SCARB1: variants seen among roughly 807,000 people sequenced by gnomAD.
SCARB1 encodes scavenger receptor class B member 1, also known as CD36 and LIMPII analogous 1.
A neutral mutation model predicts 57.2 loss-of-function variants in SCARB1; 30 were observed. That is an observed-to-expected ratio of 0.52 (90% CI 0.39 to 0.71). SCARB1 has a LOEUF of 0.71. Among genes scored for constraint, SCARB1 ranks in the 30% least tolerant of loss-of-function variants. SCARB1 has a pLI of 0.00. For missense variants in SCARB1, 543 were observed against 671.2 expected, an observed-to-expected ratio of 0.81 and a Z score of 2.11; for synonymous variants, 249 against 268.3, an observed-to-expected ratio of 0.93 and a Z score of 0.70.
rs975777346 is a variant in SCARB1, at chr12:124,821,579, G to A, written c.127-3872C>T. 36 of 982,268 alleles carry A rather than the reference G, an allele frequency of 3.7e-5. No homozygotes were observed. In the South Asian group the frequency reaches 9.0e-4, roughly 24 times the overall value. 60.8% of individuals were successfully genotyped at this position (982,268 alleles called of 1,614,324 possible). A position where few individuals can be genotyped will look rare whatever the true frequency, so the allele number is the denominator to read the frequency against. On this transcript the variant is annotated intron_variant, in intron 1 of 12. Coordinates refer to ENST00000261693, the MANE Select transcript of SCARB1 (RefSeq NM_005505.5). ...CAAAGGGAATCTTCAGAGACCCAGC[G>A]CAGCCCTGTCCAACTGGGTGATCAG...
At chr12:124,788,779 A>G (rs1949615283) in intron 9 of SCARB1, among the ~76,000 whole-genome samples, 1 of 152,156 alleles carries the variant, frequency 6.6e-6, no homozygotes, top group African/African-American at 2.4e-5. Flanking sequence ...ATACCTCACG[A>G]CCCAGCAATT....
Position 124,815,012 on chromosome 12 carries a change from C to A in SCARB1, c.387G>T (p.Ser129=). The A allele has an allele frequency of 6.2e-7, 1 of 1,614,210 alleles. No individual in the cohort carries two copies. The highest frequency in any genetic ancestry group is 1.1e-5 in the South Asian group (1 of 91,084). ...TGGGCATGACGATGTAGTCGCTCTC[C>A]GAGCCGTGGGACTTGGAGGGCTGGA... ...FQFQPSKSHG[S]ESDYIVMPNI... Residue 129 remains serine (S), a synonymous_variant, in exon 3 of 13, where the codon TCG becomes TCT. Transcript: ENST00000261693.
At position 124,788,162 on chromosome 12, in the gene SCARB1, T is replaced by C. The variant is rs1464638918; in HGVS notation, c.1203-705A>G. Among the ~76,000 whole-genome samples, 4 of 152,160 alleles carry C rather than the reference T, an allele frequency of 2.6e-5. No individual in the cohort carries two copies. The South Asian group carries it at 8.3e-4, about 32-fold the overall frequency. On this transcript the variant is annotated intron_variant, in intron 9 of 12. Transcript: ENST00000261693. ...GATTGGCATGGGCTGAGGGAACCAG[T>C]GTTTCGATGTGCTGCCAGAAGGAAT...
In SCARB1 at chr12:124,782,746, G is replaced by C; in HGVS notation, c.1467C>G (p.Ala489=). ...KGSKDKEAIQ[A]YSESLMTSAP... ...CTGATGTCATCAGGGATTCAGAATAGGCCTGAATGGCCTCCTTATCCTTTG... is the reference window on the plus strand; with the variant it reads ...CTGATGTCATCAGGGATTCAGAATACGCCTGAATGGCCTCCTTATCCTTTG... Residue 489 remains alanine, a synonymous_variant, in exon 12 of 13, where the codon GCC becomes GCG. Coordinates refer to ENST00000261693, the MANE Select transcript of SCARB1 (RefSeq NM_005505.5). The C allele has an allele frequency of 6.2e-7, 1 of 1,612,930 alleles. No individual in the cohort carries two copies. The highest frequency in any genetic ancestry group is 8.5e-7 in the Non-Finnish European group (1 of 1,178,870).
chr12:124,824,514 G>A (rs945612370), intron 1 of SCARB1, among the ~76,000 whole-genome samples: 23 of 152,200 alleles, frequency 1.5e-4, no homozygotes, highest in Non-Finnish European at 2.6e-4. Flanking sequence ...AAATGGTTTT[G>A]GTGAATTTTA....
Position 124,817,495 on chromosome 12 carries a change from C to T in SCARB1, c.284+55G>A. On this transcript the variant is annotated intron_variant, in intron 2 of 12. Coordinates refer to ENST00000261693, the MANE Select transcript of SCARB1 (RefSeq NM_005505.5). This position sits in a 1 kb window ranked among gnomAD's most constrained non-coding sequence, Gnocchi z 4.8. ...TCCCCATCCCGTCCACTCTGAGACC[C>T]CTCCCCTGCCCAGCCTCAGCCGGCC... 2 of 1,586,666 alleles carry T rather than the reference C, an allele frequency of 1.3e-6. No homozygotes were observed. The highest frequency in any genetic ancestry group is 8.6e-7 in the Non-Finnish European group (1 of 1,162,406).
chr12:124,780,003 A>T (rs1229667107), intron 12 of SCARB1, among the ~76,000 whole-genome samples: 1 of 152,206 alleles, frequency 6.6e-6, no homozygotes, highest in Admixed American at 6.5e-5. Context: ...TCAGAAGTAG[A>T]AAGGGGAAAC....
chr12:124,861,200 C>T lies in SCARB1; in HGVS notation c.126+2395G>A, dbSNP rs540752812. On this transcript the variant is annotated intron_variant, in intron 1 of 12. Transcript: ENST00000261693. ...CAAGATCTGCAGATGCTCAAGTCCCCGACATAAAATGCTGTGGTATTTGCA... is the reference window on the plus strand; with the variant it reads ...CAAGATCTGCAGATGCTCAAGTCCCTGACATAAAATGCTGTGGTATTTGCA... Among the ~76,000 whole-genome samples, 12 of 152,198 alleles carry T rather than the reference C, an allele frequency of 7.9e-5. 1 individual carries two copies. In the South Asian group the frequency reaches 2.3e-3, roughly 29 times the overall value.
At chr12:124,857,548 A>G (rs149881021) in intron 1 of SCARB1, among the ~76,000 whole-genome samples, 344 of 152,302 alleles carry the variant, frequency 2.3e-3, no homozygotes, top group Middle Eastern at 0.014. Flanking sequence ...CGCCTCATTC[A>G]TTCTGTAACC....
At chr12:124,815,842 G>A (rs1189134444) in intron 2 of SCARB1, among the ~76,000 whole-genome samples, 1 of 152,142 alleles carries the variant, frequency 6.6e-6, no homozygotes, top group Non-Finnish European at 1.5e-5. Context: ...CTCCAACCTG[G>A]GTGAAAGAGA....
At chr12:124,857,733 G>T (rs897842936) in intron 1 of SCARB1, among the ~76,000 whole-genome samples, 2 of 152,222 alleles carry the variant, frequency 1.3e-5, no homozygotes, top group African/African-American at 2.4e-5. Context: ...AACAAAAGGA[G>T]GTGCCGTTTA....
At chr12:124,829,486 T>C (rs955272678) in intron 1 of SCARB1, among the ~76,000 whole-genome samples, 1 of 152,212 alleles carries the variant, frequency 6.6e-6, no homozygotes, top group African/African-American at 2.4e-5. Context: ...CAGTGACCTA[T>C]GAGGTCTTGC....
chr12:124,862,315 G>C (rs531316522), intron 1 of SCARB1: 1 of 152,234 alleles, frequency 6.6e-6, no homozygotes, highest in South Asian at 2.1e-4. Flanking sequence ...AGGCTTTGGC[G>C]GGACAAGATT....
rs924703004 is a variant in SCARB1 at position 124,810,170 on chromosome 12, T to G, written c.842+4A>C. The G allele has an allele frequency of 1.2e-6, 2 of 1,605,398 alleles. No homozygotes were observed. The highest frequency in any genetic ancestry group is 1.7e-6 in the Non-Finnish European group (2 of 1,172,348). ...CCCAGGAGGCCCCGAGTCCCAGTGA[T>G]TACCGGCAGGCCTCCGGGCTGTAGA... On this transcript the variant is annotated splice_donor_region_variant and intron_variant, in intron 6 of 12. Coordinates refer to ENST00000261693, the MANE Select transcript of SCARB1 (RefSeq NM_005505.5). The surrounding 1 kb of genome is among the most constrained non-coding windows in gnomAD (Gnocchi z 4.0).
chr12:124,787,559 GCA>G, intron 9 of SCARB1, 102 bp from the exon 10 acceptor site: 1 of 1,030,936 alleles, frequency 9.7e-7, no homozygotes, highest in East Asian at 2.6e-5. Context: ...GTATAATTTT[GCA>G]CACACTAAAC....
At position 124,833,651 on chromosome 12, in the gene SCARB1, C is replaced by T. The variant is rs1951512850; in HGVS notation, c.127-15944G>A. ...CATCCTCCCACACAGCCCCCTCCAC[C>T]CCAGGGAACACCCCTGCACCAGGGA... On this transcript the variant is annotated intron_variant, in intron 1 of 12. Transcript: ENST00000261693. 4.6e-5 allele frequency among the ~76,000 whole-genome samples: 7 copies of T among 152,286 alleles called. No homozygotes were observed. In the South Asian group the frequency reaches 1.5e-3, roughly 32 times the overall value.
intron 8 of SCARB1, among the ~76,000 whole-genome samples, chr12:124,799,262 T>C (rs527509333): frequency 6.6e-6 from 1 of 152,320 alleles, no homozygotes; most frequent in African/African-American, 2.4e-5. Context: ...CGGCGGTTCA[T>C]GCCTGTAATC....
At chr12:124,846,233 C>T (rs932097831) in intron 1 of SCARB1, among the ~76,000 whole-genome samples, 2 of 152,120 alleles carry the variant, frequency 1.3e-5, no homozygotes, top group African/African-American at 2.4e-5. Flanking sequence ...AATTTGAACT[C>T]AATAAATTAT....
chr12:124,841,105 C>T (rs1215859075), intron 1 of SCARB1, among the ~76,000 whole-genome samples: 2 of 152,242 alleles, frequency 1.3e-5, no homozygotes, highest in Non-Finnish European at 2.9e-5. Context: ...GGCGCGGTGG[C>T]TCACGCCTGT....
Sources: allele counts gnomAD v4.1 joint callset (sites outside exome capture counted in the v4.1 genomes callset), GRCh38; gene constraint gnomAD v4.1.1; non-coding constraint Gnocchi (gnomAD v3.1); transcripts MANE v1.5; gene names NCBI Gene and HGNC (gene_info 2026-07-23, HGNC 2026-07-21).